NLGN1: variants seen among roughly 807,000 people sequenced by gnomAD.
The protein encoded by NLGN1 is neuroligin 1, also known as neuroligin-1.
In NLGN1, 12 loss-of-function variants were observed where a neutral mutation model predicts 65.5. The ratio of observed to expected loss-of-function variants is 0.18; its 90% CI spans 0.12 to 0.30. The LOEUF is 0.30. Ranked by LOEUF, NLGN1 falls within the 10% of genes least tolerant of loss-of-function variation. The pLI is 1.00. For missense variants in NLGN1, 750 were observed against 1,007.1 expected, an observed-to-expected ratio of 0.74 and a Z score of 3.46; for synonymous variants, 350 against 359.5, an observed-to-expected ratio of 0.97 and a Z score of 0.30.
intron 3 of NLGN1, among the ~76,000 whole-genome samples, chr3:173,786,972 G>A (rs1475172374): frequency 1.3e-5 from 2 of 152,090 alleles, no homozygotes; most frequent in Non-Finnish European, 2.9e-5. Context: ...AGCTACTTGG[G>A]AGGCTGAGGC....
chr3:173,409,336 G>T (rs775383029), intron 1 of NLGN1, among the ~76,000 whole-genome samples: 4 of 151,846 alleles, frequency 2.6e-5, no homozygotes, highest in Non-Finnish European at 5.9e-5. Flanking sequence ...ATAGTTGAAT[G>T]ATTGATATGA....
At chr3:174,274,230 A>G (rs373012413) in intron 4 of NLGN1, among the ~76,000 whole-genome samples, 9 of 151,956 alleles carry the variant, frequency 5.9e-5, no homozygotes, top group East Asian at 5.8e-4. Flanking sequence ...AACACTTTCT[A>G]AATTTTCATT....
At chr3:173,955,714 A>G (rs892900618) in intron 4 of NLGN1, among the ~76,000 whole-genome samples, 2 of 152,206 alleles carry the variant, frequency 1.3e-5, no homozygotes, top group Admixed American at 1.3e-4. Context: ...AAAATAGTTG[A>G]AGAAGACTAA....
At chr3:173,857,262 C>T (rs1196133274) in intron 4 of NLGN1, among the ~76,000 whole-genome samples, 1 of 151,954 alleles carries the variant, frequency 6.6e-6, no homozygotes, top group East Asian at 1.9e-4. Flanking sequence ...GAATTTGAAT[C>T]CACTGATAAC....
intron 4 of NLGN1, among the ~76,000 whole-genome samples, chr3:173,938,882 T>C (rs1310746193): frequency 6.6e-6 from 1 of 152,130 alleles, no homozygotes; most frequent in Non-Finnish European, 1.5e-5. Flanking sequence ...GGGATGGTGA[T>C]CTATAGCCCA....
At chr3:173,621,995 C>T (rs1218316797) in intron 3 of NLGN1, among the ~76,000 whole-genome samples, 2 of 152,008 alleles carry the variant, frequency 1.3e-5, no homozygotes, top group Non-Finnish European at 2.9e-5. Flanking sequence ...CAAAGAAATG[C>T]ACTGAAAAAT....
At chr3:174,127,936 A>G (rs1465924405) in intron 4 of NLGN1, among the ~76,000 whole-genome samples, 1 of 152,170 alleles carries the variant, frequency 6.6e-6, no homozygotes, top group African/African-American at 2.4e-5. Flanking sequence ...TGATAAAACT[A>G]AAGTACAAAA....
chr3:174,196,337 G>A (rs56261806), intron 4 of NLGN1, among the ~76,000 whole-genome samples: 31,284 of 151,798 alleles, frequency 0.21, 3,639 homozygotes, highest in African/African-American at 0.31. Flanking sequence ...TGCATTGATA[G>A]TCTGAAGATC....
chr3:173,451,112 C>T (rs1347753389), intron 2 of NLGN1, among the ~76,000 whole-genome samples: 1 of 152,192 alleles, frequency 6.6e-6, no homozygotes, highest in African/African-American at 2.4e-5. Flanking sequence ...TGAGGAGCTG[C>T]ATTCCTTTGG....
At chr3:173,928,889 T>C (rs1743521349) in intron 4 of NLGN1, among the ~76,000 whole-genome samples, 1 of 151,968 alleles carries the variant, frequency 6.6e-6, no homozygotes, top group African/African-American at 2.4e-5. Context: ...TAGGCTGGTG[T>C]TGAACTGCTG....
intron 4 of NLGN1, among the ~76,000 whole-genome samples, chr3:174,142,648 A>T (rs979736685): frequency 3.3e-5 from 5 of 152,052 alleles, no homozygotes; most frequent in African/African-American, 9.7e-5. Context: ...AGAAAGAAAG[A>T]CAAAGAACTA....
intron 4 of NLGN1, among the ~76,000 whole-genome samples, chr3:173,922,061 T>G (rs1334842962): frequency 6.6e-6 from 1 of 152,128 alleles, no homozygotes; most frequent in Non-Finnish European, 1.5e-5. Context: ...TGTTTCTTAG[T>G]TATTTGCTAC....
chr3:174,270,561 T>G (rs1749210754), intron 4 of NLGN1, among the ~76,000 whole-genome samples: 1 of 151,890 alleles, frequency 6.6e-6, no homozygotes. Context: ...TATTTCTGTA[T>G]AGCCATGTCA....
chr3:173,686,912 C>T (rs1311718205), intron 3 of NLGN1, among the ~76,000 whole-genome samples: 2 of 151,876 alleles, frequency 1.3e-5, no homozygotes, highest in Non-Finnish European at 2.9e-5. Context: ...GAGATCACGC[C>T]ATTGCACTCC....
At chr3:173,559,885 A>T (rs114696319) in intron 2 of NLGN1, among the ~76,000 whole-genome samples, 3,582 of 152,216 alleles carry the variant, frequency 0.024, 57 homozygotes, top group Middle Eastern at 0.048. Flanking sequence ...ATTAATGAAA[A>T]ACACTAATGT....
chr3:173,636,776 C>G lies in NLGN1; in HGVS notation c.493+31685C>G, dbSNP rs150146683. 9.2e-5 allele frequency among the ~76,000 whole-genome samples: 14 copies of G among 152,186 alleles called. 1 individual carries two copies. Among genetic ancestry groups the G allele is most frequent in the Admixed American group, 2.0e-4 (3 of 15,280 alleles). ...AGATAGATTATTTTGTAAAATGACTCATTTCTCTTGGACACTAATGGGGTC... is the reference window on the plus strand; with the variant it reads ...AGATAGATTATTTTGTAAAATGACTGATTTCTCTTGGACACTAATGGGGTC... On this transcript the variant is annotated intron_variant, in intron 3 of 6. Transcript: ENST00000457714.
chr3:173,770,180 G>A (rs949865123), intron 3 of NLGN1, among the ~76,000 whole-genome samples: 8 of 152,112 alleles, frequency 5.3e-5, no homozygotes, highest in Admixed American at 5.2e-4. Context: ...ATTCTGTGGT[G>A]GAAAATGCCA....
intron 4 of NLGN1, among the ~76,000 whole-genome samples, chr3:173,808,852 G>A (rs960278342): frequency 3.3e-5 from 5 of 151,992 alleles, no homozygotes; most frequent in Non-Finnish European, 7.4e-5. Flanking sequence ...TCCTTCCTTG[G>A]TAGTATCATA....
intron 2 of NLGN1, among the ~76,000 whole-genome samples, chr3:173,526,268 A>G (rs1189226066): frequency 6.6e-6 from 1 of 151,788 alleles, no homozygotes; most frequent in Non-Finnish European, 1.5e-5. Context: ...GAATATATAT[A>G]TTTATAGTTA....
Sources: allele counts gnomAD v4.1 joint callset (sites outside exome capture counted in the v4.1 genomes callset), GRCh38; gene constraint gnomAD v4.1.1; transcripts MANE v1.5; gene names NCBI Gene and HGNC (gene_info 2026-07-23, HGNC 2026-07-21).